SNX10: variants seen among roughly 807,000 people sequenced by gnomAD.
SNX10 encodes sorting nexin-10.
A neutral mutation model predicts 28.5 loss-of-function variants in SNX10; 25 were observed. That is an observed-to-expected ratio of 0.88 (90% CI 0.64 to 1.22). The LOEUF (loss-of-function observed/expected upper bound fraction) is 1.22, where lower values mean the gene tolerates loss of function less well. SNX10 is among the 50% of genes most tolerant of loss of function. The pLI is 0.00. For missense variants in SNX10, 223 were observed against 242.6 expected (o/e 0.92, Z 0.54); for synonymous variants, 62 against 81.4 (o/e 0.76, Z 1.28).
intron 2 of SNX10, among the ~76,000 whole-genome samples, chr7:26,354,374 G>A (rs1031803816): frequency 1.3e-5 from 2 of 152,116 alleles, no homozygotes; most frequent in Admixed American, 6.6e-5. Context: ...TTTTGAGACA[G>A]GGTCTCTCTT....
At chr7:26,367,031 T>G (rs940254271) in intron 5 of SNX10, among the ~76,000 whole-genome samples, 2 of 151,892 alleles carry the variant, frequency 1.3e-5, no homozygotes, top group Admixed American at 6.6e-5. Context: ...TGGTTCCTGG[T>G]TTTTTTTCTA....
intron 2 of SNX10, among the ~76,000 whole-genome samples, chr7:26,349,989 G>A (rs1382671398): frequency 6.6e-6 from 1 of 152,204 alleles, no homozygotes; most frequent in Admixed American, 6.5e-5. Flanking sequence ...CCTTGGCACA[G>A]GGCTCACTTG....
Position 26,359,176 on chromosome 7 carries a change from A to C in SNX10, c.25-1799A>C, listed in dbSNP as rs565015195. Among the ~76,000 whole-genome samples, 6 of 152,288 alleles carry C rather than the reference A, an allele frequency of 3.9e-5. No homozygotes were observed. In the East Asian group the frequency reaches 1.2e-3, roughly 29 times the overall value. The stretch of plus-strand genomic sequence containing the variant: ...ATTTTAAAAGAAGACTTTTTGGAAC[A>C]GTAATTCATAATCCCTGTCTACTAA... On this transcript the variant is annotated intron_variant, in intron 2 of 6. Transcript: ENST00000338523.
chr7:26,371,910 T>C lies in SNX10; in HGVS notation c.401T>C (p.Val134Ala), dbSNP rs748900369. 6.2e-7 allele frequency: 1 copy of C among 1,613,780 alleles called. No individual in the cohort carries two copies. Among genetic ancestry groups the C allele is most frequent in the Non-Finnish European group, 8.5e-7 (1 of 1,179,714 alleles). ...HLNSEDIEAC[V>A]SGQTKYSVEE... ...AATTCAGAAGACATTGAGGCGTGTG[T>C]TTCTGGGCAGACTAAGTACTCTGTG... is the stretch of plus-strand genomic sequence containing the variant. The change falls in exon 6 of 7, where the codon GTT (valine) becomes GCT (alanine). Residue 134 changes from valine to alanine, a missense_variant. Val to Ala is a moderately conservative substitution (Grantham distance 64). Coordinates refer to ENST00000338523, the MANE Select transcript of SNX10 (RefSeq NM_013322.3).
intron 1 of SNX10, among the ~76,000 whole-genome samples, chr7:26,336,176 A>G (rs1708730154): frequency 1.3e-5 from 2 of 152,214 alleles, no homozygotes; most frequent in Non-Finnish European, 2.9e-5. Flanking sequence ...GAATAATAAA[A>G]GTAACTGAGC....
intron 2 of SNX10, among the ~76,000 whole-genome samples, chr7:26,357,871 G>T (rs1788887753): frequency 6.6e-6 from 1 of 152,102 alleles, no homozygotes; most frequent in Non-Finnish European, 1.5e-5. Flanking sequence ...GTGCTCAAGG[G>T]ACTTCTAGGT....
Position 26,326,900 on chromosome 7 carries a change from GC to G in SNX10, c.-23-19519del, listed in dbSNP as rs1381519799. Among the ~76,000 whole-genome samples the G allele has an allele frequency of 2.0e-5, 3 of 150,358 alleles. No homozygotes were observed. The East Asian group carries it at 5.9e-4, about 29-fold the overall frequency. On this transcript the variant is annotated intron_variant, in intron 1 of 6. Transcript: ENST00000338523. ...ATTTTTGTGAGGATATATGTAAAGTGCTTAGAACAGCGATTATCCTTTAGAA... is the reference window on the plus strand; with the variant it reads ...ATTTTTGTGAGGATATATGTAAAGTGTTAGAACAGCGATTATCCTTTAGAA...
In SNX10 at chr7:26,373,672, A is replaced by G. The variant is rs976318003; in HGVS notation, c.*1100A>G. The stretch of plus-strand genomic sequence containing the variant: ...GATGAGGCAACATTTTCTTGAGATA[A>G]TTACCCAAGTTTCATCCATGTTGAA... On this transcript the variant is annotated 3_prime_UTR_variant, in exon 7 of 7. Coordinates refer to ENST00000338523, the MANE Select transcript of SNX10 (RefSeq NM_013322.3). The surrounding 1 kb of genome is among the most constrained non-coding windows in gnomAD (Gnocchi z 4.2). 5.9e-5 allele frequency: 9 copies of G among 152,034 alleles called. No homozygotes were observed. Among genetic ancestry groups the G allele is most frequent in the Non-Finnish European group, 1.3e-4 (9 of 67,890 alleles). 9.4% of individuals were successfully genotyped at this position (152,034 alleles called of 1,614,324 possible). A position where few individuals can be genotyped will look rare whatever the true frequency, so the allele number is the denominator to read the frequency against.
chr7:26,363,196 G>A (rs955702221), intron 3 of SNX10, among the ~76,000 whole-genome samples: 1 of 152,100 alleles, frequency 6.6e-6, no homozygotes, highest in Non-Finnish European at 1.5e-5. Flanking sequence ...CTTCCAGCGG[G>A]TTTTGCTGCC....
chr7:26,322,598 T>G (rs575116643), intron 1 of SNX10, among the ~76,000 whole-genome samples: 1 of 152,268 alleles, frequency 6.6e-6, no homozygotes, highest in African/African-American at 2.4e-5. Context: ...AGCCAAAATT[T>G]AATTCCTTGA....
intron 6 of SNX10, 21 bp from the exon 7 acceptor site, chr7:26,372,470 T>TC: frequency 2.7e-6 from 4 of 1,498,402 alleles, no homozygotes; most frequent in Non-Finnish European, 3.7e-6. Context: ...TTTATTATTT[T>TC]CCCCCTCTCT....
chr7:26,365,229 G>A (rs542013105), intron 5 of SNX10, 84 bp downstream of exon 5: 1 of 803,842 alleles, frequency 1.2e-6, no homozygotes, highest in African/African-American at 1.7e-5. Context: ...GGGGAAGAGT[G>A]TTCCTGTTTC....
At chr7:26,330,545 C>G (rs1205648962) in intron 1 of SNX10, among the ~76,000 whole-genome samples, 1 of 151,960 alleles carries the variant, frequency 6.6e-6, no homozygotes, top group African/African-American at 2.4e-5. Context: ...GCAGCCCTGG[C>G]ATGAGTTCCC....
chr7:26,350,243 T>C (rs1419804706), intron 2 of SNX10, among the ~76,000 whole-genome samples: 2 of 152,146 alleles, frequency 1.3e-5, no homozygotes, highest in Non-Finnish European at 2.9e-5. Flanking sequence ...AGCGATGATA[T>C]ATCCATCACT....
intron 5 of SNX10, among the ~76,000 whole-genome samples, chr7:26,371,339 G>C (rs183360923): frequency 6.6e-6 from 1 of 152,000 alleles, no homozygotes; most frequent in Non-Finnish European, 1.5e-5. Flanking sequence ...GTATATAACT[G>C]TAAAGTTTTA....
chr7:26,333,319 A>ATTT (rs1787809400), intron 1 of SNX10, among the ~76,000 whole-genome samples: 2 of 119,924 alleles, frequency 1.7e-5, no homozygotes, highest in African/African-American at 6.6e-5. Context: ...TAGGTATTTT[A>ATTT]TTCTTTTTTT....
chr7:26,311,642 ATC>A (rs1229661521), intron 1 of SNX10, among the ~76,000 whole-genome samples: 1 of 152,048 alleles, frequency 6.6e-6, no homozygotes, highest in African/African-American at 2.4e-5. Context: ...GAACATTTAC[ATC>A]TCTTACTTTT....
intron 1 of SNX10, among the ~76,000 whole-genome samples, chr7:26,308,171 C>G (rs193269375): frequency 6.6e-6 from 1 of 152,180 alleles, no homozygotes; most frequent in Non-Finnish European, 1.5e-5. Flanking sequence ...GCCTCAGAAG[C>G]AGGCCTCAGA....
chr7:26,328,326 A>G (rs1787584935), intron 1 of SNX10, among the ~76,000 whole-genome samples: 1 of 152,192 alleles, frequency 6.6e-6, no homozygotes, highest in Non-Finnish European at 1.5e-5. Flanking sequence ...TGGGCAACAT[A>G]GAAGATAGTA....
Sources: gnomAD v4.1 joint callset for allele counts (sites outside exome capture counted in the v4.1 genomes callset) on GRCh38, gnomAD v4.1.1 for gene constraint, Gnocchi (gnomAD v3.1) non-coding constraint, MANE v1.5 for transcripts, NCBI Gene and HGNC (gene_info 2026-07-23, HGNC 2026-07-21) for gene names.